Variants in EXO1 observed in about 807,000 individuals in gnomAD.
The protein encoded by EXO1 is exonuclease 1.
A neutral mutation model predicts 84.5 loss-of-function variants in EXO1; 69 were observed. The observed-to-expected ratio is 0.82, with a 90% CI of 0.67 to 1.00. The LOEUF (loss-of-function observed/expected upper bound fraction) is 1.00. Ranked by LOEUF, EXO1 falls within the 50% of genes least tolerant of loss-of-function variation. The probability of loss-of-function intolerance (pLI) is 0.00; values close to 1 mark genes in which losing one functional copy is unlikely to be tolerated. For missense variants in EXO1, 1,045 were observed against 1,000.7 expected, an observed-to-expected ratio of 1.04 and a Z score of -0.60; for synonymous variants, 373 against 366.1, an observed-to-expected ratio of 1.02 and a Z score of -0.21.
At chr1:241,889,379 G>T (rs148218781) in intron 15 of EXO1, 86 bp from the exon 16 acceptor site, 4 of 1,195,900 alleles carry the variant, frequency 3.3e-6, no homozygotes, top group Admixed American at 1.7e-5. Flanking sequence ...TCCTCTTCAT[G>T]TCCCTCTATT....
intron 14 of EXO1, among the ~76,000 whole-genome samples, chr1:241,884,115 T>TTAGG (rs1662914450): frequency 6.6e-6 from 1 of 152,216 alleles, no homozygotes; most frequent in Non-Finnish European, 1.5e-5. Context: ...AGTTTCAAAA[T>TTAGG]CCTAAGGTTG....
chr1:241,866,403 C>T (rs4149942), intron 10 of EXO1, among the ~76,000 whole-genome samples: 4 of 152,268 alleles, frequency 2.6e-5, no homozygotes, highest in South Asian at 2.1e-4. Context: ...CGTGAGCCAC[C>T]GTGCCTGGCT....
Position 241,857,354 on chromosome 1 carries a change from T to C in EXO1, c.415T>C (p.Ser139Pro), listed in dbSNP as rs1483110081. 1 of 1,613,708 alleles carries C rather than the reference T, an allele frequency of 6.2e-7. No homozygotes were observed. Among genetic ancestry groups the C allele is most frequent in the South Asian group, 1.1e-5 (1 of 91,050 alleles). Residue 139 changes from serine (S) to proline (P), a missense_variant, in exon 7 of 16, where the codon TCT becomes CCT. Coordinates refer to ENST00000366548, the MANE Select transcript of EXO1 (RefSeq NM_130398.4). Reference sequence around the variant, plus strand: ...TGATTCTCTCTTCTAGGCTGCCCGGTCTCAGGGGGTAGATTGCCTCGTGGC... The same window carrying C: ...TGATTCTCTCTTCTAGGCTGCCCGGCCTCAGGGGGTAGATTGCCTCGTGGC... ...MAHKVIKAAR[S>P]QGVDCLVAPY...
chr1:241,878,616 C>G, intron 12 of EXO1, 133 bp from the exon 13 acceptor site: 2 of 609,022 alleles, frequency 3.3e-6, no homozygotes. Context: ...ATTTTTTATG[C>G]CTTTATGAAA....
intron 11 of EXO1, among the ~76,000 whole-genome samples, chr1:241,870,247 G>GT (rs1662014435): frequency 6.6e-6 from 1 of 152,118 alleles, no homozygotes; most frequent in African/African-American, 2.4e-5. Context: ...TTATCAATAG[G>GT]TTTTGTCCCC....
chr1:241,863,408 TA>T (rs201846231), intron 10 of EXO1, among the ~76,000 whole-genome samples: 11,389 of 94,366 alleles, frequency 0.12, 626 homozygotes, highest in Admixed American at 0.28. Context: ...GATTCCAGGC[TA>T]AAAAAAAAAA....
rs535198503 is a variant in EXO1, at chr1:241,866,737, T to A, written c.1042-93T>A. On this transcript the variant is annotated intron_variant, in intron 10 of 15. Coordinates refer to ENST00000366548, the MANE Select transcript of EXO1 (RefSeq NM_130398.4). ...AACAGCTATTGTTTTTAAGGGTAAC[T>A]TAAGATGTTTATTTATAATTTATGT... is the stretch of plus-strand genomic sequence containing the variant. 22 of 950,572 alleles carry A rather than the reference T, an allele frequency of 2.3e-5. No individual in the cohort carries two copies. The Admixed American group carries it at 3.3e-4, about 14-fold the overall frequency. 58.9% of individuals were successfully genotyped at this position (950,572 alleles called of 1,614,324 possible).
rs752993922 is a variant in EXO1 at position 241,866,957 on chromosome 1, TGAA to T, written c.1171_1173del (p.Lys391del). The T allele has an allele frequency of 6.2e-7, 1 of 1,613,938 alleles. No homozygotes were observed. The highest frequency in any genetic ancestry group is 2.2e-5 in the East Asian group (1 of 44,892). ...GGTACTGTTTCAGATGCCCCACAATTGAAGGAAAATCCAAGTACTGTGGGAGTG... is the reference window on the plus strand; with the variant it reads ...GGTACTGTTTCAGATGCCCCACAATTGGAAAATCCAAGTACTGTGGGAGTG... On this transcript the variant is annotated inframe_deletion, in exon 11 of 16. Coordinates refer to ENST00000366548, the MANE Select transcript of EXO1 (RefSeq NM_130398.4).
intron 4 of EXO1, 151 bp downstream of exon 4, chr1:241,850,737 A>G (rs1225597218): frequency 7.7e-6 from 5 of 646,290 alleles, no homozygotes; most frequent in Non-Finnish European, 1.4e-5. Flanking sequence ...CAAATCAGGG[A>G]TGACTTCCTT....
intron 14 of EXO1, 52 bp downstream of exon 14, chr1:241,882,069 C>A: frequency 2.4e-6 from 2 of 846,132 alleles, no homozygotes; most frequent in Admixed American, 2.0e-5. Flanking sequence ...TGTATGCTTA[C>A]AACTAGAAAA....
At chr1:241,857,643 A>G (rs535914355) in intron 7 of EXO1, among the ~76,000 whole-genome samples, 161 bp downstream of exon 7, 8 of 151,378 alleles carry the variant, frequency 5.3e-5, no homozygotes, top group Admixed American at 1.3e-4. Flanking sequence ...TATTTAATAG[A>G]TATTTGCAAC....
At chr1:241,869,812 CTCCT>C (rs1324995460) in intron 11 of EXO1, among the ~76,000 whole-genome samples, 2 of 65,416 alleles carry the variant, frequency 3.1e-5, no homozygotes, top group Non-Finnish European at 5.9e-5. Flanking sequence ...CCCTCCCTCC[CTCCT>C]TCCTTCCTTC....
At chr1:241,883,640 T>G (rs1394555169) in intron 14 of EXO1, among the ~76,000 whole-genome samples, 1 of 152,236 alleles carries the variant, frequency 6.6e-6, no homozygotes, top group Non-Finnish European at 1.5e-5. Flanking sequence ...GAGATTATTT[T>G]TTAAATTTTT....
intron 15 of EXO1, among the ~76,000 whole-genome samples, chr1:241,888,707 A>G (rs573101394): frequency 6.6e-6 from 1 of 152,342 alleles, no homozygotes; most frequent in African/African-American, 2.4e-5. Context: ...TAATATCTTC[A>G]TAACAGGATT....
Position 241,885,527 on chromosome 1 carries a change from A to G in EXO1, c.2405+20A>G. On this transcript the variant is annotated intron_variant, in intron 15 of 15. Coordinates refer to ENST00000366548, the MANE Select transcript of EXO1 (RefSeq NM_130398.4). ...TAAAAAGTGAGTTGCCTTGTTTCTT[A>G]TTCTGAAACAAGATAAACTGTTATT... The G allele has an allele frequency of 6.4e-7, 1 of 1,557,618 alleles. No individual in the cohort carries two copies. Among genetic ancestry groups the G allele is most frequent in the Admixed American group, 1.7e-5 (1 of 59,912 alleles).
At chr1:241,855,539 G>A (rs1660945841) in intron 6 of EXO1, among the ~76,000 whole-genome samples, 2 of 152,272 alleles carry the variant, frequency 1.3e-5, no homozygotes, top group Non-Finnish European at 2.9e-5. Flanking sequence ...CCCGCACGGG[G>A]CTGCAGGTGA....
At chr1:241,886,135 A>G (rs1663058239) in intron 15 of EXO1, among the ~76,000 whole-genome samples, 1 of 152,208 alleles carries the variant, frequency 6.6e-6, no homozygotes, top group Non-Finnish European at 1.5e-5. Flanking sequence ...TACAGGCGTA[A>G]GCCACCACGC....
chr1:241,872,428 A>G lies in EXO1; in HGVS notation c.1514+150A>G, dbSNP rs557643598. ...GTGCAGTTTTGTTACATGGGTATACATGTGCCATGGTGATTTGCTGCACCC... is the reference window on the plus strand; with the variant it reads ...GTGCAGTTTTGTTACATGGGTATACGTGTGCCATGGTGATTTGCTGCACCC... On this transcript the variant is annotated intron_variant, in intron 12 of 15. Transcript: ENST00000366548. 45 of 796,834 alleles carry G rather than the reference A, an allele frequency of 5.6e-5. No individual in the cohort carries two copies. In the African/African-American group the frequency reaches 7.1e-4, roughly 13 times the overall value. 49.4% of individuals were successfully genotyped at this position (796,834 alleles called of 1,614,324 possible). A position where few individuals can be genotyped will look rare whatever the true frequency, so the allele number is the denominator to read the frequency against.
intron 11 of EXO1, among the ~76,000 whole-genome samples, chr1:241,869,258 A>G (rs1661933898): frequency 6.6e-6 from 1 of 152,224 alleles, no homozygotes; most frequent in Non-Finnish European, 1.5e-5. Context: ...AAAGATCCAC[A>G]TATATGTGGT....
Sources: allele counts gnomAD v4.1 joint callset (sites outside exome capture counted in the v4.1 genomes callset), GRCh38; gene constraint gnomAD v4.1.1; transcripts MANE v1.5; gene names NCBI Gene and HGNC (gene_info 2026-07-23, HGNC 2026-07-21).